Variants in VRK2 observed in about 807,000 individuals in gnomAD.
The protein encoded by VRK2 is VRK serine/threonine kinase 2, also known as serine/threonine-protein kinase VRK2.
VRK2 carries 60 observed loss-of-function variants against 57.6 expected under a neutral mutation model. The observed-to-expected ratio is 1.04, with a 90% CI of 0.85 to 1.29. The LOEUF is 1.29. Among genes scored for constraint, VRK2 ranks in the 50% most tolerant of loss-of-function variants. The pLI, the probability that VRK2 is intolerant of heterozygous loss-of-function variation, is 0.00. For synonymous variants in VRK2, 231 were observed against 199.2 expected (o/e 1.16, Z -1.35); for missense variants, 705 against 588.1 (o/e 1.20, Z -2.06).
At chr2:57,916,545 G>T (rs1029001732) in intron 1 of VRK2, among the ~76,000 whole-genome samples, 2 of 151,184 alleles carry the variant, frequency 1.3e-5, no homozygotes, top group Non-Finnish European at 2.9e-5. Context: ...TAAGCCCAAT[G>T]ATAATAATAA....
At chr2:58,076,169 G>A (rs1175621888) in intron 2 of VRK2, among the ~76,000 whole-genome samples, 1 of 147,588 alleles carries the variant, frequency 6.8e-6, no homozygotes, top group Non-Finnish European at 1.5e-5. Context: ...CTACAGTTGA[G>A]TGTTCCTACT....
intron 2 of VRK2, among the ~76,000 whole-genome samples, chr2:58,058,848 A>T (rs529309819): frequency 2.0e-4 from 30 of 152,178 alleles, no homozygotes; most frequent in African/African-American, 6.5e-4. Context: ...GCCACAATTT[A>T]AAAAATGTCT....
At chr2:57,983,977 C>G (rs1470921692) in intron 1 of VRK2, among the ~76,000 whole-genome samples, 1 of 152,016 alleles carries the variant, frequency 6.6e-6, no homozygotes, top group Non-Finnish European at 1.5e-5. Flanking sequence ...AGGGGGACAT[C>G]AAAAAAGATC....
In VRK2 at chr2:58,131,754, T is replaced by C. The variant is rs956411598; in HGVS notation, c.677-54T>C. On this transcript the variant is annotated intron_variant, in intron 8 of 12. Coordinates refer to ENST00000340157, the MANE Select transcript of VRK2 (RefSeq NM_006296.7). Reference sequence around the variant, plus strand: ...AGTAGTTCAACCAAAGATTTCTCCATTTCTCAAGGACTTGCTTATCCCTTA... The same window carrying C: ...AGTAGTTCAACCAAAGATTTCTCCACTTCTCAAGGACTTGCTTATCCCTTA... 8.0e-6 allele frequency: 12 copies of C among 1,501,092 alleles called. No homozygotes were observed. In the African/African-American group the frequency reaches 1.6e-4, roughly 19 times the overall value. 93.0% of individuals were successfully genotyped at this position (1,501,092 alleles called of 1,614,324 possible). A position where few individuals can be genotyped will look rare whatever the true frequency, so the allele number is the denominator to read the frequency against.
intron 1 of VRK2, among the ~76,000 whole-genome samples, chr2:57,959,257 T>C (rs1671680916): frequency 6.6e-6 from 1 of 152,194 alleles, no homozygotes; most frequent in Non-Finnish European, 1.5e-5. Flanking sequence ...GAGAAGACTG[T>C]AAATCTGGTT....
intron 7 of VRK2, among the ~76,000 whole-genome samples, chr2:58,095,190 A>C (rs975344665): frequency 1.3e-5 from 2 of 150,806 alleles, no homozygotes; most frequent in African/African-American, 4.9e-5. Context: ...GCCACTCGGG[A>C]GGCTGAGGCA....
intron 7 of VRK2, among the ~76,000 whole-genome samples, chr2:58,114,394 G>A (rs1400329461): frequency 2.0e-5 from 3 of 152,098 alleles, no homozygotes; most frequent in Non-Finnish European, 4.4e-5. Context: ...TGGTGAATAG[G>A]AGTATGACTA....
At chr2:58,150,930 T>C (rs1310600947) in intron 12 of VRK2, among the ~76,000 whole-genome samples, 1 of 151,344 alleles carries the variant, frequency 6.6e-6, no homozygotes, top group Non-Finnish European at 1.5e-5. Flanking sequence ...ATTTTTAAGG[T>C]TTACTGGGTA....
At chr2:58,139,261 G>A (rs748862505) in intron 10 of VRK2, among the ~76,000 whole-genome samples, 13 of 152,014 alleles carry the variant, frequency 8.6e-5, no homozygotes, top group Non-Finnish European at 1.6e-4. Context: ...AAATAAAGAG[G>A]TTTATAATAA....
chr2:58,141,437 T>G (rs1409230360), intron 11 of VRK2, among the ~76,000 whole-genome samples: 1 of 151,984 alleles, frequency 6.6e-6, no homozygotes, highest in Non-Finnish European at 1.5e-5. Flanking sequence ...AAAACACTTT[T>G]TCCAATGAGC....
At chr2:58,097,516 C>T (rs1673323265) in intron 7 of VRK2, among the ~76,000 whole-genome samples, 1 of 151,706 alleles carries the variant, frequency 6.6e-6, no homozygotes. Context: ...TAGTTTGTCC[C>T]CTGTACTGTT....
chr2:58,137,026 TG>T (rs1344342689), intron 10 of VRK2, among the ~76,000 whole-genome samples: 1 of 131,872 alleles, frequency 7.6e-6, no homozygotes, highest in African/African-American at 2.9e-5. Context: ...ATCTCATATG[TG>T]TATATATATC....
chr2:57,978,992 T>C (rs1672334348), intron 1 of VRK2, among the ~76,000 whole-genome samples: 1 of 151,168 alleles, frequency 6.6e-6, no homozygotes, highest in Non-Finnish European at 1.5e-5. Context: ...TATTGTTTCC[T>C]GACTTTTTCT....
intron 1 of VRK2, among the ~76,000 whole-genome samples, chr2:58,015,856 T>C (rs1313924610): frequency 6.6e-6 from 1 of 152,172 alleles, no homozygotes; most frequent in Non-Finnish European, 1.5e-5. Flanking sequence ...AATTATTACA[T>C]ATGAAGTTCT....
intron 1 of VRK2, among the ~76,000 whole-genome samples, chr2:57,976,350 G>T (rs1028691512): frequency 1.3e-5 from 2 of 152,098 alleles, no homozygotes; most frequent in Non-Finnish European, 2.9e-5. Context: ...TTTCCACAGC[G>T]GCAGAACTAA....
Position 58,091,108 on chromosome 2 carries a change from A to G in VRK2, c.543+1385A>G, listed in dbSNP as rs561815888. The stretch of plus-strand genomic sequence containing the variant: ...CACAGTGGATTTTTAGGTCAGTGAA[A>G]CTATTCTGCATGATACCATAATGGT... On this transcript the variant is annotated intron_variant, in intron 7 of 12. Transcript: ENST00000340157. Among the ~76,000 whole-genome samples the G allele has an allele frequency of 2.6e-5, 4 of 152,290 alleles. No individual in the cohort carries two copies. In the South Asian group the frequency reaches 8.3e-4, roughly 32 times the overall value.
At chr2:58,120,507 A>G (rs1677312832) in intron 7 of VRK2, among the ~76,000 whole-genome samples, 1 of 151,928 alleles carries the variant, frequency 6.6e-6, no homozygotes, top group African/African-American at 2.4e-5. Context: ...TCATCTTTAT[A>G]TTAAATGTAA....
At chr2:58,075,826 T>C (rs1022695081) in intron 2 of VRK2, among the ~76,000 whole-genome samples, 3 of 131,914 alleles carry the variant, frequency 2.3e-5, no homozygotes, top group African/African-American at 8.1e-5. Flanking sequence ...AGGAGATTTT[T>C]CTGATATTCA....
chr2:57,999,178 C>T (rs1219176925), intron 1 of VRK2, among the ~76,000 whole-genome samples: 1 of 152,102 alleles, frequency 6.6e-6, no homozygotes, highest in Non-Finnish European at 1.5e-5. Flanking sequence ...TCAACTTCGT[C>T]ACTCTGTATA....
Sources: gnomAD v4.1 joint callset for allele counts (sites outside exome capture counted in the v4.1 genomes callset) on GRCh38, gnomAD v4.1.1 for gene constraint, MANE v1.5 for transcripts, NCBI Gene and HGNC (gene_info 2026-07-23, HGNC 2026-07-21) for gene names.